The following CLYBL variants were observed in gnomAD, a reference collection of about 807,000 sequenced individuals.
CLYBL encodes citramalyl-CoA lyase, mitochondrial.
A neutral mutation model predicts 38.9 loss-of-function variants in CLYBL; 31 were observed. That is an observed-to-expected ratio of 0.80 (90% CI 0.60 to 1.08). The LOEUF (loss-of-function observed/expected upper bound fraction) is 1.08, where lower values mean the gene tolerates loss of function less well. CLYBL is among the 50% of genes least tolerant of loss of function. CLYBL has a pLI of 0.00. For synonymous variants in CLYBL, 171 were observed against 158.6 expected (o/e 1.08, Z -0.59); for missense variants, 434 against 411.6 (o/e 1.05, Z -0.47).
chr13:99,825,195 G>A (rs903225516), intron 2 of CLYBL, among the ~76,000 whole-genome samples: 2 of 152,162 alleles, frequency 1.3e-5, no homozygotes, highest in East Asian at 3.9e-4. Flanking sequence ...AAGCCCTGGG[G>A]GAGTCTGGGC....
intron 1 of CLYBL, among the ~76,000 whole-genome samples, chr13:99,743,409 A>G (rs539731831): frequency 1.2e-4 from 18 of 152,316 alleles, no homozygotes; most frequent in South Asian, 6.2e-4. Flanking sequence ...ACAATTAACA[A>G]ACATTATCCC....
intron 1 of CLYBL, among the ~76,000 whole-genome samples, chr13:99,662,099 C>A: frequency 6.6e-6 from 1 of 152,186 alleles, no homozygotes; most frequent in East Asian, 1.9e-4. Context: ...TTTGTTGACC[C>A]CCTTGGCTCC....
At chr13:99,748,205 C>T (rs1347718710) in intron 1 of CLYBL, among the ~76,000 whole-genome samples, 1 of 151,892 alleles carries the variant, frequency 6.6e-6, no homozygotes, top group Non-Finnish European at 1.5e-5. Context: ...CATGGCAAAA[C>T]CCCAACTCTA....
At chr13:99,692,221 A>G (rs1418866099) in intron 1 of CLYBL, among the ~76,000 whole-genome samples, 2 of 152,004 alleles carry the variant, frequency 1.3e-5, no homozygotes, top group African/African-American at 4.8e-5. Flanking sequence ...CTCCCATTGC[A>G]TTTAAAAATT....
intron 1 of CLYBL, among the ~76,000 whole-genome samples, chr13:99,668,273 T>TAAAA (rs34558107): frequency 6.8e-6 from 1 of 146,052 alleles, no homozygotes; most frequent in East Asian, 2.0e-4. Flanking sequence ...GCCCTTGTCT[T>TAAAA]AAAAAAAAAA....
chr13:99,892,066 G>C (rs2052502980), intron 8 of CLYBL: 2 of 152,184 alleles, frequency 1.3e-5, no homozygotes, highest in Non-Finnish European at 2.9e-5. Context: ...GTCATCCTGG[G>C]TGAATGCTGT....
At chr13:99,720,860 T>C (rs368808402) in intron 1 of CLYBL, among the ~76,000 whole-genome samples, 3 of 152,186 alleles carry the variant, frequency 2.0e-5, no homozygotes, top group African/African-American at 7.2e-5. Context: ...AATCTGAGAA[T>C]GTAAATGCTT....
chr13:99,758,468 G>A (rs543141135), intron 1 of CLYBL, among the ~76,000 whole-genome samples: 112 of 152,316 alleles, frequency 7.4e-4, no homozygotes, highest in African/African-American at 2.4e-3. Context: ...TTCCAAATAT[G>A]TAAGATAAAA....
intron 2 of CLYBL, among the ~76,000 whole-genome samples, chr13:99,777,137 C>T (rs1221681360): frequency 1.3e-5 from 2 of 152,040 alleles, no homozygotes; most frequent in Non-Finnish European, 2.9e-5. Flanking sequence ...CCTCCGCCTC[C>T]CAAAGTGCTG....
intron 2 of CLYBL, among the ~76,000 whole-genome samples, chr13:99,777,085 G>A (rs1019008636): frequency 6.6e-6 from 1 of 151,892 alleles, no homozygotes; most frequent in Non-Finnish European, 1.5e-5. Context: ...TACCATGTTG[G>A]CCAGACTAGT....
intron 7 of CLYBL, among the ~76,000 whole-genome samples, chr13:99,883,611 C>T (rs945372458): frequency 9.2e-5 from 14 of 152,108 alleles, no homozygotes; most frequent in African/African-American, 3.4e-4. Context: ...TGCGTGTCCT[C>T]AGGCTCTAGG....
intron 7 of CLYBL, among the ~76,000 whole-genome samples, chr13:99,872,076 C>T (rs2051918839): frequency 6.6e-6 from 1 of 151,800 alleles, no homozygotes; most frequent in Non-Finnish European, 1.5e-5. Context: ...GTCCCTCGCA[C>T]TTTTCACTGG....
chr13:99,632,892 A>G (rs985535533), intron 1 of CLYBL, among the ~76,000 whole-genome samples: 5 of 152,218 alleles, frequency 3.3e-5, no homozygotes, highest in Admixed American at 6.5e-5. Context: ...ACATTCAAAG[A>G]CTTAATAAAA....
intron 2 of CLYBL, among the ~76,000 whole-genome samples, chr13:99,827,961 G>C (rs2050728607): frequency 1.3e-5 from 2 of 152,166 alleles, no homozygotes; most frequent in Admixed American, 6.5e-5. Context: ...AAATTGCATA[G>C]TCTCCCCTTC....
intron 1 of CLYBL, among the ~76,000 whole-genome samples, chr13:99,716,169 A>AGTTTTTTTTTTTTTTTTTTTTTTTTTTTT (rs1361639397): frequency 3.0e-5 from 1 of 33,434 alleles, no homozygotes; most frequent in African/African-American, 9.9e-5. Context: ...TATTGGTGTA[A>AGTTTTTTTTTTTTTTTTTTTTTTTTTTTT]TTTTTTTTTT....
intron 1 of CLYBL, among the ~76,000 whole-genome samples, chr13:99,632,773 C>T (rs1473922611): frequency 1.3e-5 from 2 of 151,496 alleles, no homozygotes; most frequent in East Asian, 3.9e-4. Context: ...CAAAAAAACC[C>T]CACTAGATAG....
intron 2 of CLYBL, among the ~76,000 whole-genome samples, chr13:99,791,521 G>C (rs1473128101): frequency 6.6e-6 from 1 of 152,132 alleles, no homozygotes; most frequent in Non-Finnish European, 1.5e-5. Flanking sequence ...GCTTGTGCCT[G>C]TGTCTGGATT....
intron 2 of CLYBL, among the ~76,000 whole-genome samples, chr13:99,852,720 AG>A (rs1381840073): frequency 1.2e-5 from 1 of 84,406 alleles, no homozygotes; most frequent in African/African-American, 4.9e-5. Context: ...TCAGTGTTTT[AG>A]GGTGCTTTCC....
intron 2 of CLYBL, among the ~76,000 whole-genome samples, chr13:99,802,337 T>C (rs1395804480): frequency 6.6e-6 from 1 of 152,220 alleles, no homozygotes. Context: ...CATAGCAATC[T>C]TAAAACCTCA....
Sources: allele counts gnomAD v4.1 joint callset (sites outside exome capture counted in the v4.1 genomes callset), GRCh38; gene constraint gnomAD v4.1.1; transcripts MANE v1.5; gene names NCBI Gene and HGNC (gene_info 2026-07-23, HGNC 2026-07-21).